Variants in AUTS2 observed in about 807,000 individuals in gnomAD.
AUTS2 encodes the protein autism susceptibility gene 2 protein.
AUTS2 carries 17 observed loss-of-function variants against 112.4 expected under a neutral mutation model. The observed-to-expected ratio is 0.15, with a 90% CI of 0.10 to 0.23. The LOEUF (loss-of-function observed/expected upper bound fraction) is 0.23. AUTS2 is among the 10% of genes least tolerant of loss of function. The probability of loss-of-function intolerance (pLI) is 1.00; values close to 1 mark genes in which losing one functional copy is unlikely to be tolerated. For synonymous variants in AUTS2, 751 were observed against 702.7 expected (o/e 1.07, Z -1.09); for missense variants, 1,510 against 1,701.6 (o/e 0.89, Z 1.98).
intron 1 of AUTS2, among the ~76,000 whole-genome samples, chr7:69,845,643 C>T (rs1306732078): frequency 6.6e-6 from 1 of 152,108 alleles, no homozygotes; most frequent in Non-Finnish European, 1.5e-5. Flanking sequence ...GAAATCATAG[C>T]AGGGAGGGGA....
chr7:69,968,208 T>G (rs1032653554), intron 2 of AUTS2, among the ~76,000 whole-genome samples: 1 of 152,190 alleles, frequency 6.6e-6, no homozygotes, highest in African/African-American at 2.4e-5. Context: ...GGCTTAGAAT[T>G]TTTTTCCTCT....
chr7:70,748,150 C>G (rs1286069082), intron 6 of AUTS2, among the ~76,000 whole-genome samples: 1 of 152,154 alleles, frequency 6.6e-6, no homozygotes, highest in African/African-American at 2.4e-5. Context: ...TTCTAACAAG[C>G]TATTATCACC....
chr7:70,470,822 A>G (rs1315395580), intron 5 of AUTS2, among the ~76,000 whole-genome samples: 2 of 152,160 alleles, frequency 1.3e-5, no homozygotes, highest in Non-Finnish European at 2.9e-5. Flanking sequence ...TTTGCCCTCC[A>G]GCCAAACCAG....
chr7:70,705,305 GA>G, intron 6 of AUTS2, among the ~76,000 whole-genome samples: 1 of 152,180 alleles, frequency 6.6e-6, no homozygotes, highest in Non-Finnish European at 1.5e-5. Context: ...ACTGTATAAG[GA>G]AATGCCAGAA....
At chr7:70,291,522 G>A (rs1788707963) in intron 4 of AUTS2, 2 of 152,154 alleles carry the variant, frequency 1.3e-5, no homozygotes, top group South Asian at 4.2e-4. Flanking sequence ...GGGGGAAGTG[G>A]TATATTTTTG....
chr7:69,975,320 TG>T (rs1487175698), intron 2 of AUTS2, among the ~76,000 whole-genome samples: 1 of 152,144 alleles, frequency 6.6e-6, no homozygotes, highest in Non-Finnish European at 1.5e-5. Flanking sequence ...AACTATGATG[TG>T]TCTTGGTGTG....
chr7:70,636,459 G>A lies in AUTS2; in HGVS notation c.691-62110G>A, dbSNP rs187002873. ...AGAGTAGTTGCTTATGGCAGCCATG[G>A]CAAGGTGGAAACCGTAGGTATCAGG... On this transcript the variant is annotated intron_variant, in intron 5 of 18. Coordinates refer to ENST00000342771, the MANE Select transcript of AUTS2 (RefSeq NM_015570.4). Among the ~76,000 whole-genome samples the A allele has an allele frequency of 3.3e-4, 50 of 152,266 alleles. No individual in the cohort carries two copies. In the East Asian group the frequency reaches 4.6e-3, roughly 14 times the overall value.
intron 5 of AUTS2, among the ~76,000 whole-genome samples, chr7:70,617,789 A>C (rs1322745722): frequency 2.0e-5 from 3 of 152,214 alleles, no homozygotes; most frequent in Non-Finnish European, 4.4e-5. Flanking sequence ...GTTTGGGGAC[A>C]TCATGGTTTT....
chr7:70,606,131 G>A (rs1409726272), intron 5 of AUTS2, among the ~76,000 whole-genome samples: 6 of 152,192 alleles, frequency 3.9e-5, no homozygotes, highest in South Asian at 4.1e-4. Flanking sequence ...GACTCAATTC[G>A]TATAATCAAC....
At chr7:70,389,789 C>G (rs758587995) in intron 4 of AUTS2, among the ~76,000 whole-genome samples, 1 of 152,114 alleles carries the variant, frequency 6.6e-6, no homozygotes, top group African/African-American at 2.4e-5. Context: ...AAAGGAGCCA[C>G]TTTGTAGATT....
chr7:69,758,402 C>G (rs549059569), intron 1 of AUTS2, among the ~76,000 whole-genome samples: 1 of 152,240 alleles, frequency 6.6e-6, no homozygotes, highest in East Asian at 1.9e-4. Context: ...CTGGCTTAGG[C>G]TTAGTTGTTA....
At chr7:69,754,580 G>T (rs1306582179) in intron 1 of AUTS2, among the ~76,000 whole-genome samples, 2 of 152,098 alleles carry the variant, frequency 1.3e-5, no homozygotes, top group African/African-American at 4.8e-5. Context: ...GAACACAGAA[G>T]ACTGCTGCAG....
intron 2 of AUTS2, among the ~76,000 whole-genome samples, chr7:70,009,469 A>G (rs1049359065): frequency 6.6e-6 from 1 of 152,234 alleles, no homozygotes; most frequent in African/African-American, 2.4e-5. Context: ...ATTGGTTAAA[A>G]TAGAAGTGGG....
chr7:70,003,210 A>C (rs868498544), intron 2 of AUTS2, among the ~76,000 whole-genome samples: 1 of 134,332 alleles, frequency 7.4e-6, no homozygotes. Flanking sequence ...TTATATATGA[A>C]TATATTATAT....
chr7:70,436,069 C>T (rs780761701), intron 5 of AUTS2: 2 of 329,988 alleles, frequency 6.1e-6, no homozygotes, highest in Non-Finnish European at 1.1e-5. Flanking sequence ...TTTTAAAAGA[C>T]AAAATTATTT....
At chr7:70,429,101 G>A (rs1052638818) in intron 4 of AUTS2, among the ~76,000 whole-genome samples, 2 of 152,158 alleles carry the variant, frequency 1.3e-5, no homozygotes, top group South Asian at 2.1e-4. Flanking sequence ...ATCTCTTTGC[G>A]TTAAGCAGTC....
At chr7:69,679,905 A>G (rs942354159) in intron 1 of AUTS2, among the ~76,000 whole-genome samples, 3 of 152,156 alleles carry the variant, frequency 2.0e-5, no homozygotes, top group Non-Finnish European at 4.4e-5. Flanking sequence ...AACTTTTGTG[A>G]CACACAAGGA....
intron 4 of AUTS2, among the ~76,000 whole-genome samples, chr7:70,153,494 A>G (rs539373306): frequency 2.1e-4 from 32 of 152,334 alleles, no homozygotes; most frequent in African/African-American, 7.5e-4. Context: ...GTTCATTATC[A>G]TGACTGTCAG....
chr7:69,894,931 T>C (rs866529075), intron 1 of AUTS2, among the ~76,000 whole-genome samples: 37 of 152,210 alleles, frequency 2.4e-4, no homozygotes, highest in African/African-American at 7.5e-4. Flanking sequence ...TCCTAGATCA[T>C]GGTAGACGAA....
Sources: allele counts gnomAD v4.1 joint callset (sites outside exome capture counted in the v4.1 genomes callset), GRCh38; gene constraint gnomAD v4.1.1; transcripts MANE v1.5; gene names NCBI Gene and HGNC (gene_info 2026-07-23, HGNC 2026-07-21).